CHCHD4: variants seen among roughly 807,000 people sequenced by gnomAD.
The protein encoded by CHCHD4 is mitochondrial intermembrane space import and assembly protein 40.
A neutral mutation model predicts 12.4 loss-of-function variants in CHCHD4; 7 were observed. The ratio of observed to expected loss-of-function variants is 0.57; its 90% confidence interval spans 0.32 to 1.06. The LOEUF (loss-of-function observed/expected upper bound fraction) is 1.06, where lower values mean the gene tolerates loss of function less well. Among genes scored for constraint, CHCHD4 ranks in the 50% least tolerant of loss-of-function variants. The probability of loss-of-function intolerance (pLI) is 0.04; values close to 1 mark genes in which losing one functional copy is unlikely to be tolerated. For synonymous variants in CHCHD4, 56 were observed against 58.0 expected (o/e 0.97, Z 0.16); for missense variants, 143 against 175.1 (o/e 0.82, Z 1.03).
chr3:14,124,593 G>GGGCCTGC (rs1212070552), intron 1 of CHCHD4, 62 bp downstream of exon 1: 1 of 1,425,372 alleles, frequency 7.0e-7, no homozygotes, highest in African/African-American at 1.5e-5. Context: ...CGGGGCGCCG[G>GGGCCTGC]GGCCCGCGTG....
intron 2 of CHCHD4, among the ~76,000 whole-genome samples, chr3:14,115,027 T>G (rs1694861538): frequency 6.6e-6 from 1 of 152,182 alleles, no homozygotes; most frequent in Non-Finnish European, 1.5e-5. Context: ...TCTTAGCTAT[T>G]CCAAGCACCA....
chr3:14,115,777 G>A (rs1397021748), intron 2 of CHCHD4, among the ~76,000 whole-genome samples: 2 of 152,172 alleles, frequency 1.3e-5, no homozygotes, highest in Non-Finnish European at 2.9e-5. Context: ...GATTGGTGAA[G>A]TGACTACTGT....
At chr3:14,115,015 ACT>A (rs56747666) in intron 2 of CHCHD4, among the ~76,000 whole-genome samples, 2,085 of 151,968 alleles carry the variant, frequency 0.014, 54 homozygotes, top group African/African-American at 0.046. Flanking sequence ...TTTTCTTGGT[ACT>A]CTTAGCTATT....
At chr3:14,120,913 C>T (rs1159778082) in intron 1 of CHCHD4, among the ~76,000 whole-genome samples, 1 of 152,202 alleles carries the variant, frequency 6.6e-6, no homozygotes, top group Non-Finnish European at 1.5e-5. Context: ...GCCACACTCT[C>T]TTACAGACTA....
intron 2 of CHCHD4, 25 bp downstream of exon 2, chr3:14,116,401 C>T: frequency 1.3e-6 from 2 of 1,492,608 alleles, no homozygotes; most frequent in Non-Finnish European, 1.9e-6. Flanking sequence ...TGGTGTGGGT[C>T]CCTGGGAGGC....
Position 14,112,879 on chromosome 3 carries a change from G to A in CHCHD4, c.*8C>T. 1 of 1,605,582 alleles carries A rather than the reference G, an allele frequency of 6.2e-7. No homozygotes were observed. Among genetic ancestry groups the A allele is most frequent in the Non-Finnish European group, 8.5e-7 (1 of 1,175,318 alleles). ...AAAGGACTGGTGCCCAGTGCCTTGT[G>A]GCCTTCATTAACTTGATCCCTCCTC... is the stretch of plus-strand genomic sequence containing the variant. On this transcript the variant is annotated 3_prime_UTR_variant, in exon 3 of 3. Coordinates refer to ENST00000396914, the MANE Select transcript of CHCHD4 (RefSeq NM_001098502.2).
chr3:14,122,087 C>G, intron 1 of CHCHD4: 1 of 1,586,144 alleles, frequency 6.3e-7, no homozygotes, highest in Non-Finnish European at 8.6e-7. Flanking sequence ...TGGGCAAAGC[C>G]TGGAGGGCAA....
chr3:14,122,228 A>G, intron 1 of CHCHD4: 1 of 1,197,968 alleles, frequency 8.3e-7, no homozygotes, highest in East Asian at 2.9e-5. Context: ...CTTTCACTAA[A>G]CGATCATAGC....
In CHCHD4 at chr3:14,116,504, C is replaced by T. The variant is rs750347112; in HGVS notation, c.43G>A (p.Val15Ile). 1.2e-6 allele frequency: 2 copies of T among 1,612,184 alleles called. No individual in the cohort carries two copies. Among genetic ancestry groups the T allele is most frequent in the Admixed American group, 1.7e-5 (1 of 59,988 alleles). Residue 15 changes from valine (V) to isoleucine (I), a missense_variant, in exon 2 of 3, where the codon GTA becomes ATA. Val to Ile is a conservative substitution (Grantham distance 29). Coordinates refer to ENST00000396914, the MANE Select transcript of CHCHD4 (RefSeq NM_001098502.2). ...RQEGKDRIIF[V>I]TKEDHETPSS... ...GGAGTTTCATGATCTTCTTTGGTTACAAATATGATTCGATCCTTCCCTAGT... is the reference window on the plus strand; with the variant it reads ...GGAGTTTCATGATCTTCTTTGGTTATAAATATGATTCGATCCTTCCCTAGT...
Position 14,124,733 on chromosome 3 carries a change from T to A in CHCHD4, c.-57A>T. Reference sequence around the variant, plus strand: ...GCGGCGGTGGCGGCAGCTGCACCTTTACGCCGTGACCTCCCTCTCCTCTGG... The same window carrying A: ...GCGGCGGTGGCGGCAGCTGCACCTTAACGCCGTGACCTCCCTCTCCTCTGG... On this transcript the variant is annotated 5_prime_UTR_variant, in exon 1 of 3. Transcript: ENST00000396914. 1 of 1,507,288 alleles carries A rather than the reference T, an allele frequency of 6.6e-7. No homozygotes were observed. Among genetic ancestry groups the A allele is most frequent in the Non-Finnish European group, 8.9e-7 (1 of 1,127,916 alleles). The allele number at this position is 1,507,288 out of a possible 1,614,324, so 93.4% of individuals were successfully genotyped here.
intron 1 of CHCHD4, among the ~76,000 whole-genome samples, chr3:14,120,607 A>G (rs1248059412): frequency 6.6e-6 from 1 of 152,128 alleles, no homozygotes; most frequent in East Asian, 1.9e-4. Context: ...GTCACCCAAC[A>G]TACTATGTAT....
Position 14,114,144 on chromosome 3 carries a change from G to A in CHCHD4, c.122-950C>T, listed in dbSNP as rs79945546. Among the ~76,000 whole-genome samples the A allele has an allele frequency of 9.3e-3, 1,412 of 152,212 alleles. 27 individuals are homozygous for A. The highest frequency in any genetic ancestry group is 0.032 in the African/African-American group (1,334 of 41,502). On this transcript the variant is annotated intron_variant, in intron 2 of 2. Coordinates refer to ENST00000396914, the MANE Select transcript of CHCHD4 (RefSeq NM_001098502.2). ...CCCAAGCCTGGCACTCTGCACTAAC[G>A]TCCAAAGTCCTAGGCGAAACCCCGC...
In CHCHD4 at chr3:14,113,049, G is replaced by A; in HGVS notation, c.267C>T (p.Asp89=). 6.2e-7 allele frequency: 1 copy of A among 1,613,978 alleles called. No individual in the cohort carries two copies. The highest frequency in any genetic ancestry group is 1.1e-5 in the South Asian group (1 of 91,070). Residue 89 remains aspartate, a synonymous_variant, in exon 3 of 3, where the codon GAC becomes GAT. Transcript: ENST00000396914. ...TEEIKGSDCV[D]QFRAMQECMQ... ...TGCATTCCTGCATGGCCCGGAACTG[G>A]TCTACACAGTCTGACCCCTTGATCT...
At chr3:14,121,829 A>C (rs1471307285) in intron 1 of CHCHD4, 5 of 1,606,424 alleles carry the variant, frequency 3.1e-6, no homozygotes, top group Admixed American at 1.7e-5. Context: ...TCCCCCATAC[A>C]GAATCAAGTG....
At chr3:14,118,897 C>T (rs1427280588) in intron 1 of CHCHD4, among the ~76,000 whole-genome samples, 5 of 152,244 alleles carry the variant, frequency 3.3e-5, no homozygotes, top group African/African-American at 9.6e-5. Flanking sequence ...CGCAGCCCAA[C>T]GGGGAGGCCC....
At chr3:14,115,999 A>ATAT (rs764541045) in intron 2 of CHCHD4, among the ~76,000 whole-genome samples, 6 of 152,070 alleles carry the variant, frequency 3.9e-5, no homozygotes, top group Admixed American at 1.3e-4. Flanking sequence ...GTCTGTGGCA[A>ATAT]GTGACCTTTT....
intron 1 of CHCHD4, among the ~76,000 whole-genome samples, chr3:14,123,763 C>T (rs1351206436): frequency 6.6e-6 from 1 of 152,180 alleles, no homozygotes; most frequent in Non-Finnish European, 1.5e-5. Context: ...GATACCAGGG[C>T]CTGGAGGGGT....
intron 1 of CHCHD4, among the ~76,000 whole-genome samples, chr3:14,117,697 T>C (rs1392095977): frequency 2.0e-5 from 3 of 152,148 alleles, no homozygotes; most frequent in Non-Finnish European, 2.9e-5. Flanking sequence ...AGTCCATCTT[T>C]TGGTCCTCCG....
rs563450194 is a variant in CHCHD4, at chr3:14,112,906, T to C, written c.410A>G (p.Glu137Gly). ...CCTTCATTAACTTGATCCCTCCTCTTCTTTGGTTGCAGTGGCCTCAATGGG... is the reference window on the plus strand; with the variant it reads ...CCTTCATTAACTTGATCCCTCCTCTCCTTTGGTTGCAGTGGCCTCAATGGG... The part of the protein sequence containing the change: ...TAPIEATATK[E>G]EEGSS The change falls in exon 3 of 3, where the codon GAA (glutamate) becomes GGA (glycine). Residue 137 changes from glutamate to glycine, a missense_variant. Glu to Gly is a moderately conservative substitution (Grantham distance 98). Coordinates refer to ENST00000396914, the MANE Select transcript of CHCHD4 (RefSeq NM_001098502.2). The C allele has an allele frequency of 3.7e-6, 6 of 1,612,540 alleles. No individual in the cohort carries two copies. Among genetic ancestry groups the C allele is most frequent in the African/African-American group, 1.3e-5 (1 of 74,832 alleles).
Sources: gnomAD v4.1 joint callset for allele counts (sites outside exome capture counted in the v4.1 genomes callset) on GRCh38, gnomAD v4.1.1 for gene constraint, MANE v1.5 for transcripts, NCBI Gene and HGNC (gene_info 2026-07-23, HGNC 2026-07-21) for gene names.